The following CACNA2D3 variants were observed in gnomAD, a reference collection of about 807,000 sequenced individuals.
CACNA2D3 encodes calcium voltage-gated channel auxiliary subunit alpha2delta 3, also known as voltage-dependent calcium channel subunit alpha-2/delta-3.
In CACNA2D3, 60 loss-of-function variants were observed where a neutral mutation model predicts 160.6. That is an observed-to-expected ratio of 0.37 (90% CI 0.30 to 0.46). The LOEUF is 0.46. CACNA2D3 is among the 20% of genes least tolerant of loss of function. CACNA2D3 has a pLI of 1.00. For missense variants in CACNA2D3, 1,205 were observed against 1,365.0 expected (o/e 0.88, Z 1.85); for synonymous variants, 558 against 492.9 (o/e 1.13, Z -1.75).
At chr3:54,233,597 T>C (rs4928016) in intron 2 of CACNA2D3, among the ~76,000 whole-genome samples, 72,311 of 152,140 alleles carry the variant, frequency 0.48, 18,233 homozygotes, top group African/African-American at 0.64. Flanking sequence ...TGACTCTTTG[T>C]GCTTCACTTT....
At position 54,476,436 on chromosome 3, in the gene CACNA2D3, C is replaced by A. The variant is rs184838891; in HGVS notation, c.382-27056C>A. ...TGATATACACCCAGAAATGAGATTG[C>A]TGGATCATATGGTAGTTCTAGTTCT... On this transcript the variant is annotated intron_variant, in intron 4 of 37. Coordinates refer to ENST00000474759, the MANE Select transcript of CACNA2D3 (RefSeq NM_018398.3). Among the ~76,000 whole-genome samples the A allele has an allele frequency of 6.5e-3, 983 of 152,046 alleles. 8 individuals carry two copies. The highest frequency in any genetic ancestry group is 0.019 in the African/African-American group (802 of 41,466).
At chr3:54,396,729 T>G (rs1289336296) in intron 4 of CACNA2D3, among the ~76,000 whole-genome samples, 85 of 45,400 alleles carry the variant, frequency 1.9e-3, no homozygotes, top group East Asian at 5.6e-3. Context: ...AGTATTTTAT[T>G]GAGGATTTTT....
At chr3:55,044,336 A>G (rs1471115191) in intron 35 of CACNA2D3, among the ~76,000 whole-genome samples, 1 of 152,100 alleles carries the variant, frequency 6.6e-6, no homozygotes, top group East Asian at 1.9e-4. Context: ...AAAACGTTAT[A>G]CCTATTTCTT....
At chr3:54,704,315 C>T (rs1053683901) in intron 11 of CACNA2D3, among the ~76,000 whole-genome samples, 15 of 152,202 alleles carry the variant, frequency 9.9e-5, no homozygotes, top group Admixed American at 2.6e-4. Flanking sequence ...TGTGGTGTGA[C>T]AGCCACATTA....
At chr3:54,629,900 A>T (rs1699198525) in intron 10 of CACNA2D3, among the ~76,000 whole-genome samples, 1 of 152,142 alleles carries the variant, frequency 6.6e-6, no homozygotes, top group Admixed American at 6.5e-5. Context: ...TCTCTGGCCT[A>T]AGTGGCGAAG....
At chr3:54,450,296 C>G (rs1262833712) in intron 4 of CACNA2D3, among the ~76,000 whole-genome samples, 1 of 152,202 alleles carries the variant, frequency 6.6e-6, no homozygotes, top group Admixed American at 6.5e-5. Context: ...ACAATTTAGC[C>G]TACAACATAT....
At chr3:54,634,905 A>G (rs1363205306) in intron 10 of CACNA2D3, among the ~76,000 whole-genome samples, 2 of 152,036 alleles carry the variant, frequency 1.3e-5, no homozygotes, top group Admixed American at 6.5e-5. Context: ...AGGGGATGCA[A>G]TGGCTTGGCT....
intron 2 of CACNA2D3, among the ~76,000 whole-genome samples, chr3:54,285,704 C>A (rs1703001116): frequency 6.6e-6 from 1 of 152,196 alleles, no homozygotes; most frequent in Non-Finnish European, 1.5e-5. Flanking sequence ...AGACACATCA[C>A]ACGGCCGGGA....
At chr3:54,784,224 G>C (rs1232836218) in intron 13 of CACNA2D3, among the ~76,000 whole-genome samples, 1 of 152,166 alleles carries the variant, frequency 6.6e-6, no homozygotes, top group Non-Finnish European at 1.5e-5. Context: ...CAGAGAGGTA[G>C]ACCTCTGAAC....
intron 25 of CACNA2D3, chr3:54,894,753 T>C (rs905894766): frequency 1.1e-5 from 5 of 440,344 alleles, no homozygotes; most frequent in African/African-American, 8.1e-5. Context: ...AAGAATTTCA[T>C]GTCTAGCGAA....
chr3:55,073,812 CAGA>C lies in CACNA2D3; in HGVS notation c.3140_3142del (p.Lys1047del). ...CCTTAAGTGTGAACGTCTAAAGGCC[CAGA>C]AGATCAGAAGGCGCCCAGAATCTTG... On this transcript the variant is annotated inframe_deletion, in exon 37 of 38. Transcript: ENST00000474759. The C allele has an allele frequency of 6.2e-7, 1 of 1,613,726 alleles. No individual in the cohort carries two copies. Among genetic ancestry groups the C allele is most frequent in the Non-Finnish European group, 8.5e-7 (1 of 1,179,768 alleles).
At chr3:54,509,940 C>T (rs959412637) in intron 5 of CACNA2D3, among the ~76,000 whole-genome samples, 10 of 152,136 alleles carry the variant, frequency 6.6e-5, no homozygotes, top group African/African-American at 2.4e-4. Flanking sequence ...TGTGTGTATG[C>T]ATAGGTTTGT....
At chr3:55,046,047 T>A (rs1345272095) in intron 35 of CACNA2D3, among the ~76,000 whole-genome samples, 1 of 149,704 alleles carries the variant, frequency 6.7e-6, no homozygotes, top group Non-Finnish European at 1.5e-5. Flanking sequence ...GAAGTACTTC[T>A]TTAACTATAT....
At chr3:54,406,235 ACCT>A (rs1699574043) in intron 4 of CACNA2D3, among the ~76,000 whole-genome samples, 2 of 152,212 alleles carry the variant, frequency 1.3e-5, no homozygotes, top group South Asian at 2.1e-4. Context: ...TCAGAAAGAT[ACCT>A]GCAGTCACAT....
intron 2 of CACNA2D3, among the ~76,000 whole-genome samples, chr3:54,143,889 A>G (rs1334059421): frequency 1.3e-5 from 2 of 152,218 alleles, no homozygotes; most frequent in Non-Finnish European, 2.9e-5. Flanking sequence ...ACTTTACATA[A>G]ATGAGATCAT....
At chr3:54,643,148 A>G (rs1452125208) in intron 11 of CACNA2D3, among the ~76,000 whole-genome samples, 1 of 152,188 alleles carries the variant, frequency 6.6e-6, no homozygotes, top group East Asian at 1.9e-4. Flanking sequence ...TACACGAGTC[A>G]GTCCAGGCCA....
At chr3:54,577,725 C>T (rs184132261) in intron 8 of CACNA2D3, among the ~76,000 whole-genome samples, 73 of 152,322 alleles carry the variant, frequency 4.8e-4, no homozygotes, top group Non-Finnish European at 9.4e-4. Flanking sequence ...TTCATCCTCA[C>T]AGTGAGCTCA....
At chr3:54,778,706 T>A (rs1264915436) in intron 13 of CACNA2D3, among the ~76,000 whole-genome samples, 5 of 152,228 alleles carry the variant, frequency 3.3e-5, no homozygotes, top group Non-Finnish European at 4.4e-5. Flanking sequence ...AGTAAGTATA[T>A]GTATAGAATC....
chr3:54,585,229 T>C (rs1702739668), intron 9 of CACNA2D3, among the ~76,000 whole-genome samples: 1 of 152,212 alleles, frequency 6.6e-6, no homozygotes, highest in East Asian at 1.9e-4. Flanking sequence ...AAGACAATTA[T>C]ATTTTAAAAG....
Sources: allele counts gnomAD v4.1 joint callset (sites outside exome capture counted in the v4.1 genomes callset), GRCh38; gene constraint gnomAD v4.1.1; transcripts MANE v1.5; gene names NCBI Gene and HGNC (gene_info 2026-07-23, HGNC 2026-07-21).